The following PASD1 variants were observed in gnomAD, a reference collection of about 807,000 sequenced individuals.
PASD1 encodes circadian clock protein PASD1.
A neutral mutation model predicts 58.8 loss-of-function variants in PASD1; 13 were observed. The ratio of observed to expected loss-of-function variants is 0.22; its 90% confidence interval spans 0.14 to 0.35. The LOEUF (loss-of-function observed/expected upper bound fraction) is 0.35, where lower values mean the gene tolerates loss of function less well. Ranked by LOEUF, PASD1 falls within the 10% of genes least tolerant of loss-of-function variation. PASD1 has a pLI of 1.00. For synonymous variants in PASD1, 236 were observed against 216.7 expected (o/e 1.09, Z -0.78); for missense variants, 734 against 568.3 (o/e 1.29, Z -2.96).
At chrX:151,589,032 A>G (rs2013209801) in intron 1 of PASD1, among the ~76,000 whole-genome samples, 1 of 111,217 alleles carries the variant, frequency 9.0e-6, no homozygotes, top group African/African-American at 3.3e-5. Flanking sequence ...CTACACGTCA[A>G]GTACTGTGGC....
At chrX:151,672,051 A>G in intron 13 of PASD1, 132 bp from the exon 14 acceptor site, 1 of 1,008,714 alleles carries the variant, frequency 9.9e-7, no homozygotes, top group Non-Finnish European at 1.3e-6. Context: ...ACAGTCACAC[A>G]GATCACTATG....
At chrX:151,612,387 G>A (rs1238464044) in intron 4 of PASD1, among the ~76,000 whole-genome samples, 1 of 107,874 alleles carries the variant, frequency 9.3e-6, no homozygotes, top group African/African-American at 3.4e-5. Flanking sequence ...CTGAGGAATC[G>A]CCACACTGAC....
chrX:151,643,021 C>G (rs1406333101), intron 8 of PASD1, among the ~76,000 whole-genome samples: 1 of 111,899 alleles, frequency 8.9e-6, no homozygotes, highest in Non-Finnish European at 1.9e-5. Context: ...CTGAAGCCCT[C>G]AGGACTCTGA....
intron 8 of PASD1, among the ~76,000 whole-genome samples, chrX:151,639,585 G>A (rs2013974065): frequency 8.9e-6 from 1 of 111,943 alleles, no homozygotes; most frequent in Admixed American, 9.5e-5. Context: ...TCAAGAAACA[G>A]TTCCATCTTC....
intron 1 of PASD1, among the ~76,000 whole-genome samples, chrX:151,595,614 A>C (rs1412362117): frequency 9.2e-6 from 1 of 108,832 alleles, no homozygotes; most frequent in African/African-American, 3.3e-5. Context: ...AGTCCCGGCT[A>C]CTCGGGAAGT....
chrX:151,611,831 A>G (rs1435108710), intron 4 of PASD1, 78 bp downstream of exon 4: 4 of 744,773 alleles, frequency 5.4e-6, no homozygotes, highest in Non-Finnish European at 7.8e-6. Context: ...TTCTTTTTTT[A>G]TTATACTTTA....
rs751590635 is a variant in PASD1, at chrX:151,621,523, G to A, written c.349G>A (p.Val117Ile). ...EFCCHLKRGNVEHGDSSAYEN... is the reference protein window; with the variant it reads ...EFCCHLKRGNIEHGDSSAYEN... Reference sequence around the variant, plus strand: ...TTGCTGTCATTTAAAAAGAGGAAATGTCGAACATGGTGATAGTTCTGCTTA... The same window carrying A: ...TTGCTGTCATTTAAAAAGAGGAAATATCGAACATGGTGATAGTTCTGCTTA... The change falls in exon 6 of 16, where the codon GTC becomes ATC. Residue 117 changes from valine to isoleucine, a missense_variant. By Grantham distance (29) the Val-to-Ile change is conservative. Coordinates refer to ENST00000370357, the MANE Select transcript of PASD1 (RefSeq NM_173493.3). 6.0e-5 allele frequency: 72 copies of A among 1,204,814 alleles called. No individual in the cohort carries two copies. Among genetic ancestry groups the A allele is most frequent in the Middle Eastern group, 2.4e-4 (1 of 4,204 alleles).
rs184654688 is a variant in PASD1 at position 151,657,529 on chromosome X, A to G, written c.718-2184A>G. 2.2e-4 allele frequency among the ~76,000 whole-genome samples: 25 copies of G among 111,538 alleles called. No homozygotes were observed. The East Asian group carries it at 6.8e-3, about 30-fold the overall frequency. ...TGGTAGGTTATTAATTATTGCCTCA[A>G]TTTCAGAGCCTGTTATTGGTCTATT... is the stretch of plus-strand genomic sequence containing the variant. On this transcript the variant is annotated intron_variant, in intron 9 of 15. Transcript: ENST00000370357.
intron 8 of PASD1, among the ~76,000 whole-genome samples, chrX:151,648,280 A>AT (rs796387913): frequency 0.012 from 1,281 of 104,420 alleles, 8 homozygotes; most frequent in South Asian, 0.025. Context: ...GCCTAAAGGC[A>AT]TTTTTTTTTT....
intron 9 of PASD1, among the ~76,000 whole-genome samples, chrX:151,653,912 T>C (rs1486753516): frequency 4.1e-4 from 28 of 68,193 alleles, no homozygotes; most frequent in African/African-American, 1.7e-3. Context: ...CTTTCTTTCT[T>C]TCTTTCTTTC....
chrX:151,617,529 C>G (rs2013651485), intron 4 of PASD1, among the ~76,000 whole-genome samples: 1 of 112,038 alleles, frequency 8.9e-6, no homozygotes, highest in African/African-American at 3.2e-5. Context: ...ATTTTATACT[C>G]TACATCATAA....
At chrX:151,620,431 G>A (rs1041072893) in intron 4 of PASD1, among the ~76,000 whole-genome samples, 17 of 45,523 alleles carry the variant, frequency 3.7e-4, no homozygotes, top group African/African-American at 6.3e-4. Flanking sequence ...GTCAGATGTT[G>A]ACATTTCCCA....
chrX:151,573,617 G>T (rs1434515436), intron 1 of PASD1, among the ~76,000 whole-genome samples: 2 of 112,587 alleles, frequency 1.8e-5, no homozygotes, highest in Non-Finnish European at 3.7e-5. Context: ...ATCAGAAAAG[G>T]CTTATTGGAG....
At chrX:151,582,212 C>T (rs1334361812) in intron 1 of PASD1, among the ~76,000 whole-genome samples, 3 of 110,510 alleles carry the variant, frequency 2.7e-5, no homozygotes, top group African/African-American at 9.9e-5. Context: ...GGTCTCTCTC[C>T]TGACCTCGTG....
At chrX:151,654,257 A>G (rs1191070390) in intron 9 of PASD1, among the ~76,000 whole-genome samples, 1 of 110,587 alleles carries the variant, frequency 9.0e-6, no homozygotes, top group Non-Finnish European at 1.9e-5. Flanking sequence ...GGCATGAGCC[A>G]TTGTGCCTAG....
At chrX:151,657,683 T>A (rs2014262236) in intron 9 of PASD1, among the ~76,000 whole-genome samples, 1 of 111,675 alleles carries the variant, frequency 9.0e-6, no homozygotes, top group Non-Finnish European at 1.9e-5. Context: ...GCAGTTTGTA[T>A]TTCTGTGGGA....
At chrX:151,620,260 G>GGT (rs947400393) in intron 4 of PASD1, among the ~76,000 whole-genome samples, 7 of 111,473 alleles carry the variant, frequency 6.3e-5, no homozygotes, top group Non-Finnish European at 1.3e-4. Flanking sequence ...TGATGTGTGG[G>GGT]GTAGGGTGAG....
At chrX:151,667,236 G>A in intron 11 of PASD1, among the ~76,000 whole-genome samples, 1 of 111,663 alleles carries the variant, frequency 9.0e-6, no homozygotes, top group Middle Eastern at 4.7e-3. Flanking sequence ...GGGGTTGTTT[G>A]TTTCTTGTCA....
chrX:151,574,171 T>C (rs2012966995), intron 1 of PASD1, among the ~76,000 whole-genome samples: 1 of 112,343 alleles, frequency 8.9e-6, no homozygotes, highest in African/African-American at 3.2e-5. Flanking sequence ...CAAGTGCCAG[T>C]CACTAGTGAA....
Sources: allele counts gnomAD v4.1 joint callset (sites outside exome capture counted in the v4.1 genomes callset), GRCh38; gene constraint gnomAD v4.1.1; transcripts MANE v1.5; gene names NCBI Gene and HGNC (gene_info 2026-07-23, HGNC 2026-07-21).